Variants in TBC1D1 observed in about 807,000 individuals in gnomAD.
TBC1D1 encodes the protein TBC1 (tre-2/USP6, BUB2, cdc16) domain family, member 1.
In TBC1D1, 89 loss-of-function variants were observed where a neutral mutation model predicts 125.6. The observed-to-expected ratio is 0.71, with a 90% CI of 0.60 to 0.85. The LOEUF is 0.85. Ranked by LOEUF, TBC1D1 falls within the 40% of genes least tolerant of loss-of-function variation. TBC1D1 has a pLI of 0.00. For missense variants in TBC1D1, 1,377 were observed against 1,469.2 expected, an observed-to-expected ratio of 0.94 and a Z score of 1.03; for synonymous variants, 565 against 564.1, an observed-to-expected ratio of 1.00 and a Z score of -0.02.
intron 2 of TBC1D1, among the ~76,000 whole-genome samples, chr4:37,940,927 A>T (rs1345785196): frequency 6.6e-6 from 1 of 152,216 alleles, no homozygotes; most frequent in Admixed American, 6.5e-5. Context: ...TCGGTTTGCC[A>T]GTATTTTATT....
At chr4:37,993,675 G>A (rs1198867888) in intron 2 of TBC1D1, among the ~76,000 whole-genome samples, 7 of 152,106 alleles carry the variant, frequency 4.6e-5, no homozygotes, top group African/African-American at 1.7e-4. Context: ...TCCGCCTCCC[G>A]GGTTCAAGCA....
chr4:38,111,809 A>G (rs1762246533), intron 15 of TBC1D1: 1 of 359,930 alleles, frequency 2.8e-6, no homozygotes, highest in African/African-American at 2.2e-5. Context: ...CTCCCCCAAT[A>G]GAATTTCGTG....
intron 2 of TBC1D1, among the ~76,000 whole-genome samples, chr4:37,931,456 A>T (rs1723232261): frequency 6.6e-6 from 1 of 151,922 alleles, no homozygotes; most frequent in African/African-American, 2.4e-5. Context: ...AAGAACTGTT[A>T]TCCCCACCGT....
chr4:37,992,619 C>T (rs1224285688), intron 2 of TBC1D1, among the ~76,000 whole-genome samples: 2 of 150,966 alleles, frequency 1.3e-5, no homozygotes, highest in African/African-American at 2.4e-5. Flanking sequence ...CTCAGCCTCC[C>T]GAGTAGCTGG....
At chr4:37,931,968 C>T (rs759717642) in intron 2 of TBC1D1, among the ~76,000 whole-genome samples, 1 of 151,970 alleles carries the variant, frequency 6.6e-6, no homozygotes, top group Non-Finnish European at 1.5e-5. Flanking sequence ...CCCTTCTATT[C>T]TGTATCTGTT....
chr4:38,001,723 TG>T (rs1379390823), intron 2 of TBC1D1, among the ~76,000 whole-genome samples: 1 of 152,234 alleles, frequency 6.6e-6, no homozygotes, highest in Non-Finnish European at 1.5e-5. Context: ...GATGCTCTTG[TG>T]TCAAGACCAA....
chr4:38,014,614 G>T lies in TBC1D1; in HGVS notation c.523G>T (p.Val175Leu). The T allele has an allele frequency of 1.9e-6, 3 of 1,613,438 alleles. No homozygotes were observed. The highest frequency in any genetic ancestry group is 2.5e-6 in the Non-Finnish European group (3 of 1,180,038). The change falls in exon 3 of 20, where the codon GTG (valine) becomes TTG (leucine). Residue 175 changes from valine (V) to leucine (L), a missense_variant. Physicochemically the swap from Val to Leu is conservative, Grantham distance 32. Around this residue, in one of 3 missense-constraint regions of TBC1D1, gnomAD observed 822 missense variants for 824.6 expected, o/e 1.00. Transcript: ENST00000261439. The surrounding 1 kb of genome is among the most constrained non-coding windows in gnomAD (Gnocchi z 5.1). ...CGACACGTTTTCCAAGAAGTTCGAG[G>T]TGCTCTTCTGCGGCCGCGTGACGGT... is the stretch of plus-strand genomic sequence containing the variant.
At chr4:37,955,228 C>T (rs1728699077) in intron 2 of TBC1D1, among the ~76,000 whole-genome samples, 1 of 152,190 alleles carries the variant, frequency 6.6e-6, no homozygotes, top group Admixed American at 6.5e-5. Flanking sequence ...CATTTTACTT[C>T]TGGAGCATGT....
chr4:38,027,883 C>T lies in TBC1D1; in HGVS notation c.1302+4C>T. 1 of 1,591,264 alleles carries T rather than the reference C, an allele frequency of 6.3e-7. No individual in the cohort carries two copies. The highest frequency in any genetic ancestry group is 1.7e-5 in the Admixed American group (1 of 57,238). ...GACTATTTTTGAAGAGGTTCAGGTA[C>T]AGTACAGTTGCTAATTTCTAGAAGG... On this transcript the variant is annotated splice_donor_region_variant and intron_variant, in intron 7 of 19. Transcript: ENST00000261439.
At chr4:38,108,247 C>T (rs1050977647) in intron 15 of TBC1D1, among the ~76,000 whole-genome samples, 10 of 152,178 alleles carry the variant, frequency 6.6e-5, no homozygotes, top group African/African-American at 2.4e-4. Context: ...CTTCAGGCTT[C>T]ACATCATCTG....
chr4:38,047,969 T>C (rs1409010445), intron 10 of TBC1D1, among the ~76,000 whole-genome samples: 1 of 152,204 alleles, frequency 6.6e-6, no homozygotes, highest in Non-Finnish European at 1.5e-5. Flanking sequence ...TAGGAATATA[T>C]ACATATTCAT....
chr4:38,003,876 A>G lies in TBC1D1; in HGVS notation c.418-10633A>G, dbSNP rs982911313. Among the ~76,000 whole-genome samples, 14 of 152,238 alleles carry G rather than the reference A, an allele frequency of 9.2e-5. No homozygotes were observed. The East Asian group carries it at 2.3e-3, about 25-fold the overall frequency. On this transcript the variant is annotated intron_variant, in intron 2 of 19. Transcript: ENST00000261439. ...AGAGCAAGACCCTGTCTCAAAAAAA[A>G]AAAAAAAAAGAGTTGGCCTTTTCTT...
chr4:38,056,970 A>T (rs969431587), intron 12 of TBC1D1, among the ~76,000 whole-genome samples: 3 of 152,224 alleles, frequency 2.0e-5, no homozygotes, highest in Non-Finnish European at 4.4e-5. Flanking sequence ...GTGGACAAAC[A>T]TGGCCTTTGT....
At chr4:37,944,923 C>T (rs757362236) in intron 2 of TBC1D1, among the ~76,000 whole-genome samples, 14 of 152,182 alleles carry the variant, frequency 9.2e-5, no homozygotes, top group Admixed American at 3.3e-4. Context: ...TCTTCTGTGT[C>T]GTTCACGCCG....
chr4:38,125,348 C>G (rs1764473730), intron 18 of TBC1D1, among the ~76,000 whole-genome samples: 2 of 152,138 alleles, frequency 1.3e-5, no homozygotes, highest in Non-Finnish European at 2.9e-5. Flanking sequence ...AACATGGTGG[C>G]AATGTTTAGC....
At chr4:38,021,556 G>T in intron 5 of TBC1D1, 30 bp from the exon 6 acceptor site, 1 of 1,467,958 alleles carries the variant, frequency 6.8e-7, no homozygotes. Context: ...TGACTTTTTG[G>T]TGACTACAAC....
intron 2 of TBC1D1, among the ~76,000 whole-genome samples, chr4:37,921,490 T>A (rs1577864614): frequency 6.6e-6 from 1 of 151,586 alleles, no homozygotes; most frequent in African/African-American, 2.4e-5. Context: ...CACTGCAACC[T>A]CCACCTCCCA....
intron 4 of TBC1D1, among the ~76,000 whole-genome samples, chr4:38,019,192 T>C (rs1455586872): frequency 6.6e-6 from 1 of 152,120 alleles, no homozygotes; most frequent in Non-Finnish European, 1.5e-5. Flanking sequence ...AAACTCTGGA[T>C]TTTTCATTTT....
chr4:38,106,283 G>C (rs1161039960), intron 15 of TBC1D1, among the ~76,000 whole-genome samples: 1 of 150,200 alleles, frequency 6.7e-6, no homozygotes, highest in Non-Finnish European at 1.5e-5. Flanking sequence ...AGAAACTGAG[G>C]TCACATGTTG....
Sources: gnomAD v4.1 joint callset for allele counts (sites outside exome capture counted in the v4.1 genomes callset) on GRCh38, gnomAD v4.1.1 for gene constraint, gnomAD v4.1.1 regional missense constraint, Gnocchi (gnomAD v3.1) non-coding constraint, MANE v1.5 for transcripts, NCBI Gene and HGNC (gene_info 2026-07-23, HGNC 2026-07-21) for gene names.